TMEM72: variants seen among roughly 807,000 people sequenced by gnomAD.
TMEM72 encodes the protein kidney-specific secretory protein of 37 kDa.
Under a neutral mutation model 16.3 loss-of-function variants are expected in TMEM72, and 9 were observed. The ratio of observed to expected loss-of-function variants is 0.55; its 90% CI spans 0.33 to 0.96. TMEM72 has a LOEUF of 0.96. Ranked by LOEUF, TMEM72 falls within the 40% of genes least tolerant of loss-of-function variation. The probability of loss-of-function intolerance (pLI) is 0.03; values close to 1 mark genes in which losing one functional copy is unlikely to be tolerated. For synonymous variants in TMEM72, 160 were observed against 146.5 expected (o/e 1.09, Z -0.66); for missense variants, 324 against 337.8 (o/e 0.96, Z 0.32).
chr10:44,925,373 C>A (rs992266954), intron 1 of TMEM72, among the ~76,000 whole-genome samples: 1 of 152,236 alleles, frequency 6.6e-6, no homozygotes, highest in East Asian at 1.9e-4. Context: ...ATCTGCTGGT[C>A]GTCTGCCACA....
At chr10:44,918,892 G>A (rs1840050960) in intron 1 of TMEM72, among the ~76,000 whole-genome samples, 1 of 151,448 alleles carries the variant, frequency 6.6e-6, no homozygotes, top group South Asian at 2.1e-4. Flanking sequence ...TATAAGGAAG[G>A]GGTCCCTCAG....
At chr10:44,928,041 C>T in intron 2 of TMEM72, 54 bp downstream of exon 2, 1 of 1,576,066 alleles carries the variant, frequency 6.3e-7, no homozygotes, top group Non-Finnish European at 8.7e-7. Context: ...TCAACTCACC[C>T]TACATCTGTC....
chr10:44,931,537 A>G (rs1388625987), intron 2 of TMEM72, among the ~76,000 whole-genome samples: 1 of 152,260 alleles, frequency 6.6e-6, no homozygotes. Flanking sequence ...GGCAATGCCC[A>G]TGAGGTCAGA....
At chr10:44,911,619 C>G in intron 1 of TMEM72, 37 bp downstream of exon 1, 1 of 1,546,502 alleles carries the variant, frequency 6.5e-7, no homozygotes, top group Non-Finnish European at 8.7e-7. Flanking sequence ...TCCTTGCACA[C>G]TGGCACCACA....
At position 44,934,954 on chromosome 10, in the gene TMEM72, G is replaced by A. The variant is rs1840373243; in HGVS notation, c.648G>A (p.Leu216=). 4 of 1,613,978 alleles carry A rather than the reference G, an allele frequency of 2.5e-6. No individual in the cohort carries two copies. Among genetic ancestry groups the A allele is most frequent in the Non-Finnish European group, 3.4e-6 (4 of 1,180,000 alleles). ...TGAGCCTGGAGCCAGCCGACTCCCTGGCCAAGAAGAAGCAGGTGCACTTTG... is the reference window on the plus strand; with the variant it reads ...TGAGCCTGGAGCCAGCCGACTCCCTAGCCAAGAAGAAGCAGGTGCACTTTG... ...MELSLEPADS[L]AKKKQVHFED... The change falls in exon 5 of 5, where the codon CTG becomes CTA. Residue 216 remains leucine (L), a synonymous_variant. Coordinates refer to ENST00000389583, the MANE Select transcript of TMEM72 (RefSeq NM_001123376.3).
chr10:44,912,353 C>T (rs1327618648), intron 1 of TMEM72, among the ~76,000 whole-genome samples: 1 of 152,216 alleles, frequency 6.6e-6, no homozygotes, highest in African/African-American at 2.4e-5. Context: ...AGCCCCATTC[C>T]CCCTACAGAG....
At chr10:44,930,484 AGT>A (rs1365343935) in intron 2 of TMEM72, among the ~76,000 whole-genome samples, 13 of 152,338 alleles carry the variant, frequency 8.5e-5, no homozygotes, top group South Asian at 2.1e-4. Context: ...GTAAACTGAC[AGT>A]AATTATAGTG....
chr10:44,919,514 AT>A (rs1424653819), intron 1 of TMEM72, among the ~76,000 whole-genome samples: 1 of 152,252 alleles, frequency 6.6e-6, no homozygotes, highest in Non-Finnish European at 1.5e-5. Context: ...AGAAAATGAA[AT>A]CTTTAAAAAT....
intron 1 of TMEM72, among the ~76,000 whole-genome samples, chr10:44,918,737 T>A (rs1237833036): frequency 6.6e-6 from 1 of 152,186 alleles, no homozygotes; most frequent in Non-Finnish European, 1.5e-5. Flanking sequence ...CAAATTCATA[T>A]GTGGAAATCC....
chr10:44,913,868 AC>A (rs1326626186), intron 1 of TMEM72, among the ~76,000 whole-genome samples: 1 of 152,180 alleles, frequency 6.6e-6, no homozygotes, highest in African/African-American at 2.4e-5. Context: ...AGGAAATAAG[AC>A]CGGAAATAGA....
At chr10:44,919,052 G>C (rs1840053880) in intron 1 of TMEM72, among the ~76,000 whole-genome samples, 1 of 152,058 alleles carries the variant, frequency 6.6e-6, no homozygotes, top group African/African-American at 2.4e-5. Flanking sequence ...AACTAAAAAA[G>C]AAAAACCATA....
intron 1 of TMEM72, among the ~76,000 whole-genome samples, chr10:44,926,682 C>A (rs1312508764): frequency 9.2e-5 from 14 of 152,146 alleles, no homozygotes; most frequent in Non-Finnish European, 1.5e-5. Context: ...CACAGCGGAG[C>A]CCCAGAGCCC....
rs1281105220 is a variant in TMEM72 at position 44,932,014 on chromosome 10, G to T, written c.154G>T (p.Val52Phe). 1 of 1,613,096 alleles carries T rather than the reference G, an allele frequency of 6.2e-7. No individual in the cohort carries two copies. The highest frequency in any genetic ancestry group is 1.1e-5 in the South Asian group (1 of 90,722). Residue 52 changes from valine (V) to phenylalanine (F), a missense_variant, in exon 3 of 5, where the codon GTC becomes TTC. Physicochemically the swap from Val to Phe is conservative, Grantham distance 50. Transcript: ENST00000389583. ...CACCTGCAGGTTTACAGGAGCCGCT[G>T]TCTCCATATGTGAAGGGGCCTACTT... ...AFYLLFTGAA[V>F]SICEGAYFVA...
chr10:44,913,190 G>T lies in TMEM72; in HGVS notation c.70+1608G>T, dbSNP rs547124607. 1.1e-4 allele frequency among the ~76,000 whole-genome samples: 17 copies of T among 152,216 alleles called. No homozygotes were observed. In the East Asian group the frequency reaches 2.7e-3, roughly 24 times the overall value. On this transcript the variant is annotated intron_variant, in intron 1 of 4. Coordinates refer to ENST00000389583, the MANE Select transcript of TMEM72 (RefSeq NM_001123376.3). ...AAAAAGCCATCCTGGGGAGAGGAAG[G>T]CCACCCTAAATAGGTTTCCATGTCT...
Position 44,935,311 on chromosome 10 carries a change from C to T in TMEM72, c.*177C>T, listed in dbSNP as rs1042695564. 3.4e-6 allele frequency: 2 copies of T among 580,958 alleles called. No homozygotes were observed. Among genetic ancestry groups the T allele is most frequent in the East Asian group, 3.0e-5 (1 of 33,002 alleles). 36.0% of individuals were successfully genotyped at this position (580,958 alleles called of 1,614,324 possible). The stretch of plus-strand genomic sequence containing the variant: ...CTGGCCAGCATTTCTGGAGAGGCCT[C>T]GAGGGAGGCACAAACAAGGCTCACG... On this transcript the variant is annotated 3_prime_UTR_variant, in exon 5 of 5. Transcript: ENST00000389583.
chr10:44,930,750 T>C (rs1305666672), intron 2 of TMEM72, among the ~76,000 whole-genome samples: 1 of 152,226 alleles, frequency 6.6e-6, no homozygotes, highest in Non-Finnish European at 1.5e-5. Context: ...ATATAATCAC[T>C]GTGTGCCAAG....
rs572302822 is a variant in TMEM72 at position 44,911,355 on chromosome 10, G to A, written c.-158G>A. 18 of 678,510 alleles carry A rather than the reference G, an allele frequency of 2.7e-5. No homozygotes were observed. Among genetic ancestry groups the A allele is most frequent in the Non-Finnish European group, 3.0e-5 (12 of 401,636 alleles). The allele number at this position is 678,510 out of a possible 1,614,324, so 42.0% of individuals were successfully genotyped here. On this transcript the variant is annotated 5_prime_UTR_variant, in exon 1 of 5. Transcript: ENST00000389583. Reference sequence around the variant, plus strand: ...AGAAGGTGAGCCCTATTCACACCTCGGCCAGGCTGCGGTGGCCAGGACTGG... The same window carrying A: ...AGAAGGTGAGCCCTATTCACACCTCAGCCAGGCTGCGGTGGCCAGGACTGG...
chr10:44,918,450 T>C (rs969344123), intron 1 of TMEM72, among the ~76,000 whole-genome samples: 1 of 152,100 alleles, frequency 6.6e-6, no homozygotes, highest in African/African-American at 2.4e-5. Context: ...TTCCAGAAAT[T>C]TGAAAGGAGG....
At chr10:44,934,261 A>G (rs566796929) in intron 4 of TMEM72, among the ~76,000 whole-genome samples, 2 of 152,326 alleles carry the variant, frequency 1.3e-5, no homozygotes, top group South Asian at 4.1e-4. Flanking sequence ...GTTTCTGGTC[A>G]GAGAACCCAG....
Sources: allele counts gnomAD v4.1 joint callset (sites outside exome capture counted in the v4.1 genomes callset), GRCh38; gene constraint gnomAD v4.1.1; transcripts MANE v1.5; gene names NCBI Gene and HGNC (gene_info 2026-07-23, HGNC 2026-07-21).